PPP2R2B: variants seen among roughly 807,000 people sequenced by gnomAD.
The protein encoded by PPP2R2B is serine/threonine-protein phosphatase 2A 55 kDa regulatory subunit B beta isoform.
Under a neutral mutation model 46.0 loss-of-function variants are expected in PPP2R2B, and 5 were observed. The observed-to-expected ratio is 0.11, with a 90% CI of 0.06 to 0.23. PPP2R2B has a LOEUF of 0.23. Ranked by LOEUF, PPP2R2B falls within the 10% of genes least tolerant of loss-of-function variation. The pLI is 1.00. For synonymous variants in PPP2R2B, 215 were observed against 206.7 expected, an observed-to-expected ratio of 1.04 and a Z score of -0.34; for missense variants, 367 against 575.0, an observed-to-expected ratio of 0.64 and a Z score of 3.70.
chr5:146,873,644 G>A (rs1051975728), intron 2 of PPP2R2B, among the ~76,000 whole-genome samples: 3 of 152,060 alleles, frequency 2.0e-5, no homozygotes, highest in African/African-American at 2.4e-5. Flanking sequence ...ATGGAGTCTC[G>A]CTCTGTCACC....
chr5:146,888,583 T>C (rs1231725615), intron 1 of PPP2R2B, among the ~76,000 whole-genome samples: 1 of 152,194 alleles, frequency 6.6e-6, no homozygotes. Flanking sequence ...TCATGTCACT[T>C]TTCCGCTCAA....
intron 6 of PPP2R2B, among the ~76,000 whole-genome samples, chr5:146,646,772 C>G (rs913921687): frequency 3.3e-5 from 5 of 152,146 alleles, no homozygotes; most frequent in African/African-American, 1.2e-4. Flanking sequence ...TCCTTGTTCT[C>G]TCAATAATTA....
chr5:146,746,383 TAA>T (rs11335578), intron 2 of PPP2R2B, among the ~76,000 whole-genome samples: 9 of 151,124 alleles, frequency 6.0e-5, no homozygotes, highest in East Asian at 1.9e-4. Flanking sequence ...ACTGGGAGTT[TAA>T]AAAAAAAAAG....
intron 1 of PPP2R2B, among the ~76,000 whole-genome samples, chr5:146,897,578 G>T (rs1441695442): frequency 6.6e-6 from 1 of 152,114 alleles, no homozygotes; most frequent in Admixed American, 6.5e-5. Flanking sequence ...TCTCACATAT[G>T]ACTTGGCAAT....
At chr5:146,985,722 G>A (rs1341624770) in intron 1 of PPP2R2B, among the ~76,000 whole-genome samples, 2 of 152,212 alleles carry the variant, frequency 1.3e-5, no homozygotes, top group East Asian at 3.9e-4. Context: ...TCCTTTGTCA[G>A]AGCAATTAGG....
chr5:146,830,093 TTTTA>T (rs1758836110), intron 2 of PPP2R2B, among the ~76,000 whole-genome samples: 1 of 152,198 alleles, frequency 6.6e-6, no homozygotes, highest in East Asian at 1.9e-4. Context: ...GATGTTTCTT[TTTTA>T]TTCTTATTTT....
chr5:147,045,318 T>C (rs1473523938), intron 1 of PPP2R2B, among the ~76,000 whole-genome samples: 2 of 152,198 alleles, frequency 1.3e-5, no homozygotes, highest in Non-Finnish European at 2.9e-5. Context: ...TACTGAATCT[T>C]TTCTATGTTT....
intron 2 of PPP2R2B, among the ~76,000 whole-genome samples, chr5:146,868,818 T>C (rs955457887): frequency 5.3e-5 from 8 of 152,224 alleles, no homozygotes; most frequent in Non-Finnish European, 8.8e-5. Flanking sequence ...ATATACTACA[T>C]TGTGATGAAT....
chr5:146,598,200 T>A (rs1463339083), intron 8 of PPP2R2B, among the ~76,000 whole-genome samples: 1 of 152,262 alleles, frequency 6.6e-6, no homozygotes, highest in Non-Finnish European at 1.5e-5. Flanking sequence ...AGGTTACTGA[T>A]AATCTCCACT....
upstream of PPP2R2B, among the ~76,000 whole-genome samples, chr5:147,060,187 G>C (rs1757214889): frequency 6.6e-6 from 1 of 152,124 alleles, no homozygotes; most frequent in African/African-American, 2.4e-5. Flanking sequence ...GCCTCAGACT[G>C]GATCAAATCC....
At chr5:147,000,514 G>A (rs1008868426) in intron 1 of PPP2R2B, among the ~76,000 whole-genome samples, 7 of 152,048 alleles carry the variant, frequency 4.6e-5, no homozygotes, top group African/African-American at 1.7e-4. Flanking sequence ...TATCCATGAA[G>A]TCAAGATAAT....
intron 2 of PPP2R2B, among the ~76,000 whole-genome samples, chr5:147,075,827 C>G (rs997563877): frequency 6.6e-6 from 1 of 152,148 alleles, no homozygotes; most frequent in Admixed American, 6.5e-5. Flanking sequence ...CACATTGTCT[C>G]TCATCAGACT....
intron 2 of PPP2R2B, among the ~76,000 whole-genome samples, chr5:146,757,099 T>A (rs1173009210): frequency 6.6e-6 from 1 of 151,732 alleles, no homozygotes; most frequent in Non-Finnish European, 1.5e-5. Flanking sequence ...GGAGGGAAGA[T>A]CAGGAGTGAG....
chr5:146,922,648 C>T (rs1275038996), intron 1 of PPP2R2B: 2 of 152,166 alleles, frequency 1.3e-5, no homozygotes, highest in East Asian at 3.8e-4. Context: ...ATAGCATTCT[C>T]CCACTATCCT....
At chr5:146,783,908 A>G (rs1755685423) in intron 2 of PPP2R2B, among the ~76,000 whole-genome samples, 1 of 152,238 alleles carries the variant, frequency 6.6e-6, no homozygotes, top group Admixed American at 6.5e-5. Context: ...AACTTATCAC[A>G]TTAGAATATC....
chr5:146,906,329 T>G (rs953004943), intron 1 of PPP2R2B, among the ~76,000 whole-genome samples: 2 of 151,990 alleles, frequency 1.3e-5, no homozygotes, highest in African/African-American at 4.8e-5. Flanking sequence ...ATTTATTTAT[T>G]TATTTATTTG....
chr5:146,871,594 T>A (rs1021081304), intron 2 of PPP2R2B, among the ~76,000 whole-genome samples: 4 of 152,218 alleles, frequency 2.6e-5, no homozygotes, highest in African/African-American at 9.6e-5. Flanking sequence ...CCCTGTGGGA[T>A]AATGGAAAAG....
At chr5:146,886,914 C>T (rs1325260215) in intron 1 of PPP2R2B, among the ~76,000 whole-genome samples, 2 of 151,542 alleles carry the variant, frequency 1.3e-5, no homozygotes, top group Non-Finnish European at 2.9e-5. Context: ...TTTCTTCCCA[C>T]CAGGAAGTCA....
intron 2 of PPP2R2B, among the ~76,000 whole-genome samples, chr5:146,850,060 C>T (rs1198573402): frequency 6.6e-6 from 1 of 152,110 alleles, no homozygotes; most frequent in Non-Finnish European, 1.5e-5. Flanking sequence ...TATAACTGGG[C>T]TCTAATGTGA....
Sources: allele counts gnomAD v4.1 joint callset (sites outside exome capture counted in the v4.1 genomes callset), GRCh38; gene constraint gnomAD v4.1.1; transcripts MANE v1.5; gene names NCBI Gene and HGNC (gene_info 2026-07-23, HGNC 2026-07-21).